Variants in CHRM3 observed in about 807,000 individuals in gnomAD.
CHRM3 encodes muscarinic acetylcholine receptor M3.
CHRM3 carries 11 observed loss-of-function variants against 41.8 expected under a neutral mutation model. That is an observed-to-expected ratio of 0.26 (90% CI 0.17 to 0.44). The LOEUF (loss-of-function observed/expected upper bound fraction) is 0.44. CHRM3 is among the 20% of genes least tolerant of loss of function. The pLI is 1.00. For synonymous variants in CHRM3, 297 were observed against 301.4 expected, an observed-to-expected ratio of 0.99 and a Z score of 0.15; for missense variants, 571 against 745.4, an observed-to-expected ratio of 0.77 and a Z score of 2.72.
At chr1:239,810,567 G>A (rs1278940373) in intron 5 of CHRM3, among the ~76,000 whole-genome samples, 1 of 152,216 alleles carries the variant, frequency 6.6e-6, no homozygotes, top group Non-Finnish European at 1.5e-5. Context: ...TTCAACCCAT[G>A]TCACTTATCC....
Position 239,404,870 on chromosome 1 carries a change from G to A in CHRM3, c.-521+17643G>A, listed in dbSNP as rs181729393. Among the ~76,000 whole-genome samples, 6 of 151,204 alleles carry A rather than the reference G, an allele frequency of 4.0e-5. No individual in the cohort carries two copies. In the East Asian group the frequency reaches 7.8e-4, roughly 20 times the overall value. On this transcript the variant is annotated intron_variant, in intron 1 of 6. Coordinates refer to ENST00000676153, the MANE Select transcript of CHRM3 (RefSeq NM_001375978.1). ...TTCTCTTGAGTTCTATCAGGGAGCT[G>A]ACTATCAAAAACAGACCATATTTTT...
At chr1:239,833,095 C>A (rs1673027395) in intron 6 of CHRM3, among the ~76,000 whole-genome samples, 2 of 152,150 alleles carry the variant, frequency 1.3e-5, no homozygotes, top group African/African-American at 4.8e-5. Flanking sequence ...AGCCTTGTAT[C>A]TCAGTCCCCA....
intron 2 of CHRM3, among the ~76,000 whole-genome samples, chr1:239,498,241 G>T (rs1330269289): frequency 3.3e-5 from 5 of 152,068 alleles, no homozygotes; most frequent in East Asian, 3.8e-4. Flanking sequence ...ACAAAATCTT[G>T]CAAGTTGTTA....
intron 5 of CHRM3, among the ~76,000 whole-genome samples, chr1:239,694,878 C>G (rs531354497): frequency 1.3e-5 from 2 of 152,086 alleles, no homozygotes; most frequent in South Asian, 4.2e-4. Context: ...TTATTTTTAT[C>G]AGTCTTTTTT....
intron 4 of CHRM3, among the ~76,000 whole-genome samples, chr1:239,635,911 A>G (rs1010634874): frequency 1.3e-5 from 2 of 152,214 alleles, no homozygotes; most frequent in South Asian, 2.1e-4. Flanking sequence ...AGCAATTCTT[A>G]TAGATGTCCC....
chr1:239,800,850 AT>A (rs1369647441), intron 5 of CHRM3, among the ~76,000 whole-genome samples: 1 of 152,250 alleles, frequency 6.6e-6, no homozygotes, highest in Admixed American at 6.5e-5. Context: ...TGATTAAAAA[AT>A]GTGAGAAAAA....
intron 1 of CHRM3, among the ~76,000 whole-genome samples, chr1:239,453,047 G>A (rs532069527): frequency 2.6e-5 from 4 of 152,116 alleles, no homozygotes; most frequent in African/African-American, 9.7e-5. Flanking sequence ...TGATCCGCCC[G>A]CCTCAGCCTC....
In CHRM3 at chr1:239,807,685, A is replaced by G. The variant is rs181197734; in HGVS notation, c.-146-19567A>G. ...TTTCCTCACTTCATCTTTGATCTTT[A>G]CATGCTCTGTTAAATTTTAGCTCAT... On this transcript the variant is annotated intron_variant, in intron 5 of 6. Transcript: ENST00000676153. Among the ~76,000 whole-genome samples, 167 of 152,344 alleles carry G rather than the reference A, an allele frequency of 1.1e-3. 1 individual carries two copies. Among genetic ancestry groups the G allele is most frequent in the African/African-American group, 3.4e-3 (143 of 41,570 alleles).
At chr1:239,538,957 A>C (rs535064030) in intron 2 of CHRM3, among the ~76,000 whole-genome samples, 1 of 152,312 alleles carries the variant, frequency 6.6e-6, no homozygotes, top group African/African-American at 2.4e-5. Flanking sequence ...TAGGATTTTA[A>C]CAAAGAGAGA....
At chr1:239,506,464 T>A (rs2148168835) in intron 2 of CHRM3, among the ~76,000 whole-genome samples, 1 of 152,268 alleles carries the variant, frequency 6.6e-6, no homozygotes, top group Middle Eastern at 3.4e-3. Context: ...GTGTTGAGCC[T>A]GTGTGTGCAT....
At chr1:239,623,521 A>G (rs1668671543) in intron 3 of CHRM3, among the ~76,000 whole-genome samples, 1 of 119,484 alleles carries the variant, frequency 8.4e-6, no homozygotes, top group Admixed American at 8.9e-5. Flanking sequence ...ATTATACTCT[A>G]AGTTTTAGGG....
intron 1 of CHRM3, among the ~76,000 whole-genome samples, chr1:239,478,862 G>A (rs1427599773): frequency 6.6e-6 from 1 of 152,076 alleles, no homozygotes; most frequent in East Asian, 1.9e-4. Flanking sequence ...TTGAATAACT[G>A]ATGGCCTATG....
chr1:239,793,559 A>T (rs577111271), intron 5 of CHRM3, among the ~76,000 whole-genome samples: 12 of 152,358 alleles, frequency 7.9e-5, no homozygotes, highest in African/African-American at 2.9e-4. Flanking sequence ...GCTCAGGCAG[A>T]GAAGAATTAA....
chr1:239,560,997 C>T (rs1660803549), intron 3 of CHRM3, among the ~76,000 whole-genome samples: 1 of 152,138 alleles, frequency 6.6e-6, no homozygotes, highest in South Asian at 2.1e-4. Flanking sequence ...TCCCCACATT[C>T]AGTTCCTTAG....
chr1:239,505,696 C>T (rs967695786), intron 2 of CHRM3, among the ~76,000 whole-genome samples: 3 of 152,118 alleles, frequency 2.0e-5, no homozygotes, highest in Admixed American at 2.0e-4. Flanking sequence ...TGTAGATACT[C>T]AAAAATATGG....
chr1:239,445,205 T>A (rs1455898479), intron 1 of CHRM3, among the ~76,000 whole-genome samples: 1 of 152,344 alleles, frequency 6.6e-6, no homozygotes, highest in African/African-American at 2.4e-5. Context: ...TGGGCAATGC[T>A]AGCTGGTCTA....
At chr1:239,772,645 T>C (rs1667784722) in intron 5 of CHRM3, among the ~76,000 whole-genome samples, 1 of 152,208 alleles carries the variant, frequency 6.6e-6, no homozygotes, top group Admixed American at 6.5e-5. Flanking sequence ...TACAGTCTGC[T>C]CTGGTCTCAT....
intron 6 of CHRM3, among the ~76,000 whole-genome samples, chr1:239,868,503 A>G (rs556228092): frequency 6.6e-6 from 1 of 152,204 alleles, no homozygotes; most frequent in Non-Finnish European, 1.5e-5. Flanking sequence ...AGATATCTCA[A>G]AATAAGTAGC....
intron 1 of CHRM3, among the ~76,000 whole-genome samples, chr1:239,404,384 GAA>G (rs1415868530): frequency 2.4e-4 from 17 of 69,968 alleles, no homozygotes; most frequent in African/African-American, 4.2e-4. Flanking sequence ...AAGAAAGAAA[GAA>G]AGAAAGAAAG....
Sources: allele counts gnomAD v4.1 joint callset (sites outside exome capture counted in the v4.1 genomes callset), GRCh38; gene constraint gnomAD v4.1.1; transcripts MANE v1.5; gene names NCBI Gene and HGNC (gene_info 2026-07-23, HGNC 2026-07-21).